The following TRAPPC3L variants were observed in gnomAD, a reference collection of about 807,000 sequenced individuals.
TRAPPC3L encodes the protein trafficking protein particle complex subunit 3-like protein.
In TRAPPC3L, 23 loss-of-function variants were observed where a neutral mutation model predicts 23.7. That is an observed-to-expected ratio of 0.97 (90% CI 0.70 to 1.37). The LOEUF (loss-of-function observed/expected upper bound fraction) is 1.37. Ranked by LOEUF, TRAPPC3L falls within the 40% of genes most tolerant of loss-of-function variation. TRAPPC3L has a pLI of 0.00. For missense variants in TRAPPC3L, 212 were observed against 216.8 expected (o/e 0.98, Z 0.14); for synonymous variants, 81 against 77.9 (o/e 1.04, Z -0.21).
At chr6:116,544,278 A>G (rs1773642286) in intron 1 of TRAPPC3L, among the ~76,000 whole-genome samples, 1 of 151,958 alleles carries the variant, frequency 6.6e-6, no homozygotes, top group Non-Finnish European at 1.5e-5. Flanking sequence ...TGGCCCCAAC[A>G]TTGTGTCCCT....
In TRAPPC3L at chr6:116,496,980, C is replaced by A; in HGVS notation, c.520G>T (p.Glu174Ter). 1 of 1,545,218 alleles carries A rather than the reference C, an allele frequency of 6.5e-7. No homozygotes were observed. The highest frequency in any genetic ancestry group is 8.7e-7 in the Non-Finnish European group (1 of 1,145,346). The stretch of plus-strand genomic sequence containing the variant: ...CATTTTTTCCCTCTATATTTTTTCT[C>A]GTCTCGCTTTTTTAGAAATGTTATT... ...IGITFLKKRD[E>*]KKYRGKK Residue 174 changes from glutamate to a stop codon, truncating the protein, a stop_gained, in exon 5 of 5, where the codon GAG (glutamate) becomes TAG (stop). Coordinates refer to ENST00000368602, the MANE Select transcript of TRAPPC3L (RefSeq NM_001139444.3). LOFTEE classifies it high-confidence loss of function.
chr6:116,512,958 A>G (rs1014743927), intron 3 of TRAPPC3L, among the ~76,000 whole-genome samples: 5 of 152,244 alleles, frequency 3.3e-5, no homozygotes, highest in African/African-American at 1.2e-4. Flanking sequence ...GAAGGAAATC[A>G]TATCTTTACC....
chr6:116,534,626 G>C (rs1259930156), intron 3 of TRAPPC3L, among the ~76,000 whole-genome samples: 1 of 152,120 alleles, frequency 6.6e-6, no homozygotes, highest in African/African-American at 2.4e-5. Flanking sequence ...TTTTGTCCTA[G>C]AGTTTATGCT....
intron 3 of TRAPPC3L, among the ~76,000 whole-genome samples, chr6:116,528,259 AAC>A (rs1389055129): frequency 2.0e-5 from 3 of 152,240 alleles, no homozygotes; most frequent in African/African-American, 7.2e-5. Flanking sequence ...CTCTGCCATA[AAC>A]AGTGGATGTG....
At chr6:116,507,084 T>A in intron 3 of TRAPPC3L, among the ~76,000 whole-genome samples, 1 of 144,950 alleles carries the variant, frequency 6.9e-6, no homozygotes, top group Non-Finnish European at 1.5e-5. Context: ...TAATTTTCTG[T>A]GGAGATAATA....
chr6:116,543,194 C>T (rs1308191002), intron 2 of TRAPPC3L, 109 bp downstream of exon 2: 4 of 761,998 alleles, frequency 5.2e-6, no homozygotes, highest in Non-Finnish European at 8.2e-6. Context: ...TTAATTGAGA[C>T]AGAAGAACAG....
intron 3 of TRAPPC3L, chr6:116,515,539 AC>A (rs1285231952): frequency 2.7e-6 from 4 of 1,507,938 alleles, no homozygotes; most frequent in African/African-American, 1.4e-5. Context: ...TCTCAATAAT[AC>A]CCCAGCTCCC....
chr6:116,535,771 C>T (rs1773037613), intron 3 of TRAPPC3L, among the ~76,000 whole-genome samples: 1 of 151,946 alleles, frequency 6.6e-6, no homozygotes, highest in South Asian at 2.1e-4. Context: ...AGAACAGTTA[C>T]CATAGTAGAA....
chr6:116,532,488 G>A (rs1772803875), intron 3 of TRAPPC3L, among the ~76,000 whole-genome samples: 1 of 152,180 alleles, frequency 6.6e-6, no homozygotes, highest in Admixed American at 6.5e-5. Flanking sequence ...CAAATCCCAA[G>A]AATGCTATAA....
chr6:116,527,202 T>A (rs1772454738), intron 3 of TRAPPC3L, among the ~76,000 whole-genome samples: 1 of 152,164 alleles, frequency 6.6e-6, no homozygotes. Flanking sequence ...AGTGTTCAAC[T>A]CCTTGGGTCT....
At chr6:116,528,836 A>G (rs1245377370) in intron 3 of TRAPPC3L, among the ~76,000 whole-genome samples, 2 of 152,254 alleles carry the variant, frequency 1.3e-5, no homozygotes, top group South Asian at 2.1e-4. Context: ...TGGAAAAAAG[A>G]AAAGCAATTC....
At chr6:116,540,132 A>G (rs777126328) in intron 3 of TRAPPC3L, among the ~76,000 whole-genome samples, 1 of 152,124 alleles carries the variant, frequency 6.6e-6, no homozygotes, top group Middle Eastern at 3.4e-3. Context: ...TGAGACATAT[A>G]CTCTACACAC....
chr6:116,543,696 T>A (rs1005667736), intron 1 of TRAPPC3L: 3 of 900,780 alleles, frequency 3.3e-6, no homozygotes, highest in Non-Finnish European at 5.1e-6. Context: ...TGGAGGACAG[T>A]TTTTTAAAAA....
intron 3 of TRAPPC3L, among the ~76,000 whole-genome samples, chr6:116,501,437 G>A (rs117210370): frequency 1.4e-4 from 21 of 152,340 alleles, no homozygotes; most frequent in Non-Finnish European, 2.5e-4. Flanking sequence ...TGGGGGCAGG[G>A]CATATCTGAA....
At chr6:116,529,993 C>T (rs73769119) in intron 3 of TRAPPC3L, among the ~76,000 whole-genome samples, 5,590 of 152,164 alleles carry the variant, frequency 0.037, 336 homozygotes, top group African/African-American at 0.13. Flanking sequence ...AAAAAAAATG[C>T]CTCCCCATTT....
At chr6:116,512,086 C>G in intron 3 of TRAPPC3L, 1 of 1,613,956 alleles carries the variant, frequency 6.2e-7, no homozygotes, top group Non-Finnish European at 8.5e-7. Flanking sequence ...GTGCCATGAG[C>G]GGGACGAGAA....
intron 3 of TRAPPC3L, among the ~76,000 whole-genome samples, chr6:116,507,711 CAG>C (rs1491194209): frequency 6.6e-6 from 1 of 152,132 alleles, no homozygotes; most frequent in African/African-American, 2.4e-5. Context: ...CTGTGGGTAA[CAG>C]GGGACTACAC....
rs1773723935 is a variant in TRAPPC3L, at chr6:116,545,466, A to G, written c.42+7T>C. The G allele has an allele frequency of 1.9e-6, 3 of 1,543,740 alleles. No individual in the cohort carries two copies. The highest frequency in any genetic ancestry group is 2.6e-6 in the Non-Finnish European group (3 of 1,142,628). On this transcript the variant is annotated splice_region_variant and intron_variant, in intron 1 of 4. Coordinates refer to ENST00000368602, the MANE Select transcript of TRAPPC3L (RefSeq NM_001139444.3). ...GTAGAAAAAATCTCTTTGTAGAAAG[A>G]TCTTACTATTTTATGGTATTCTGGT...
intron 3 of TRAPPC3L, among the ~76,000 whole-genome samples, chr6:116,502,649 G>A (rs1420639403): frequency 3.3e-5 from 5 of 152,192 alleles, no homozygotes; most frequent in Non-Finnish European, 7.3e-5. Flanking sequence ...CCCATAAAGG[G>A]AAGCCCATCA....
Sources: gnomAD v4.1 joint callset for allele counts (sites outside exome capture counted in the v4.1 genomes callset) on GRCh38, gnomAD v4.1.1 for gene constraint, MANE v1.5 for transcripts, NCBI Gene and HGNC (gene_info 2026-07-23, HGNC 2026-07-21) for gene names.